Variants in CDC5L observed in about 807,000 individuals in gnomAD.
The protein encoded by CDC5L is cell division cycle 5 like, also known as cell division cycle 5-like protein.
A neutral mutation model predicts 104.1 loss-of-function variants in CDC5L; 18 were observed. The observed-to-expected ratio is 0.17, with a 90% CI of 0.12 to 0.26. CDC5L has a LOEUF of 0.26. Ranked by LOEUF, CDC5L falls within the 10% of genes least tolerant of loss-of-function variation. The pLI is 1.00. For missense variants in CDC5L, 673 were observed against 956.9 expected (o/e 0.70, Z 3.91); for synonymous variants, 331 against 322.7 (o/e 1.03, Z -0.28).
intron 1 of CDC5L, among the ~76,000 whole-genome samples, chr6:44,388,692 T>A (rs1196260402): frequency 1.3e-5 from 2 of 149,334 alleles, no homozygotes; most frequent in African/African-American, 2.5e-5. Context: ...TTTTTTTTTT[T>A]ACATCTTTTG....
intron 5 of CDC5L, among the ~76,000 whole-genome samples, chr6:44,396,848 C>T (rs1263891566): frequency 6.6e-6 from 1 of 152,102 alleles, no homozygotes. Context: ...AAATCAACGG[C>T]CCCATGAAGA....
intron 8 of CDC5L, among the ~76,000 whole-genome samples, chr6:44,414,425 TGTGTGTA>T (rs1402450502): frequency 1.5e-4 from 22 of 150,290 alleles, no homozygotes; most frequent in Admixed American, 8.6e-4. Context: ...TGTGTGTGTG[TGTGTGTA>T]TTTTTTTTTA....
At chr6:44,420,144 G>A (rs1792095752) in intron 9 of CDC5L, among the ~76,000 whole-genome samples, 1 of 152,080 alleles carries the variant, frequency 6.6e-6, no homozygotes, top group African/African-American at 2.4e-5. Flanking sequence ...AAGAATGTGT[G>A]GAAGTTATCA....
chr6:44,426,674 T>C lies in CDC5L; in HGVS notation c.1843T>C (p.Tyr615His). Residue 615 changes from tyrosine to histidine, a missense_variant, in exon 13 of 16, where the codon TAT becomes CAT. Physicochemically the swap from Tyr to His is moderately conservative, Grantham distance 83 (BLOSUM62 2). Transcript: ENST00000371477. ...FGTNNSEHIT[Y>H]LEHNPYEKFS... Reference sequence around the variant, plus strand: ...TACCAATAATTCAGAGCACATTACCTATCTGGAACATAATCCTTATGAAAA... The same window carrying C: ...TACCAATAATTCAGAGCACATTACCCATCTGGAACATAATCCTTATGAAAA... The C allele has an allele frequency of 6.2e-7, 1 of 1,612,688 alleles. No homozygotes were observed. Among genetic ancestry groups the C allele is most frequent in the South Asian group, 1.1e-5 (1 of 91,044 alleles).
chr6:44,433,181 A>G (rs1304273986), intron 14 of CDC5L, among the ~76,000 whole-genome samples: 4 of 152,194 alleles, frequency 2.6e-5, no homozygotes, highest in South Asian at 2.1e-4. Context: ...ATTACTGCCT[A>G]TCTACCACGT....
chr6:44,434,787 G>A (rs1301699677), intron 14 of CDC5L, among the ~76,000 whole-genome samples: 1 of 152,122 alleles, frequency 6.6e-6, no homozygotes, highest in Non-Finnish European at 1.5e-5. Flanking sequence ...TAGCTTGAAA[G>A]TAACAGTTAC....
In CDC5L at chr6:44,445,882, TG is replaced by T. The variant is rs1201000406; in HGVS notation, c.2304+16del. On this transcript the variant is annotated intron_variant, in intron 15 of 15. Transcript: ENST00000371477. ...GGAGGCTAGAGGTAACGTTATATAT[TG>T]AACTGTTGTTTAAAAAGAGTGCTGC... is the stretch of plus-strand genomic sequence containing the variant. 27 of 1,577,214 alleles carry T rather than the reference TG, an allele frequency of 1.7e-5. No homozygotes were observed. The highest frequency in any genetic ancestry group is 2.3e-5 in the Non-Finnish European group (26 of 1,147,514).
At chr6:44,411,160 T>C (rs1004230039) in intron 8 of CDC5L, among the ~76,000 whole-genome samples, 1 of 152,134 alleles carries the variant, frequency 6.6e-6, no homozygotes, top group African/African-American at 2.4e-5. Flanking sequence ...TTTCCTCAAA[T>C]GTCCGGTGCT....
chr6:44,408,892 G>T (rs1051229031), intron 8 of CDC5L, among the ~76,000 whole-genome samples: 6 of 152,070 alleles, frequency 3.9e-5, no homozygotes, highest in Non-Finnish European at 7.4e-5. Context: ...TTTTGTACCT[G>T]TCAGTAAAGC....
intron 5 of CDC5L, among the ~76,000 whole-genome samples, chr6:44,402,783 T>C (rs1409521705): frequency 2.0e-5 from 3 of 152,214 alleles, no homozygotes; most frequent in African/African-American, 7.2e-5. Flanking sequence ...ATGTAAACTT[T>C]CTAACATTTT....
chr6:44,439,129 G>T (rs1204766814), intron 14 of CDC5L, among the ~76,000 whole-genome samples: 1 of 152,058 alleles, frequency 6.6e-6, no homozygotes, highest in Non-Finnish European at 1.5e-5. Context: ...TTTGTGATGG[G>T]CTTCTTTTAC....
chr6:44,423,627 G>A (rs942095734), intron 10 of CDC5L, among the ~76,000 whole-genome samples: 2 of 152,166 alleles, frequency 1.3e-5, no homozygotes, highest in East Asian at 1.9e-4. Flanking sequence ...ATATGAGTAA[G>A]CATGGAGGAT....
At chr6:44,408,405 G>A (rs748772236) in intron 7 of CDC5L, 39 bp from the exon 8 acceptor site, 25 of 1,529,032 alleles carry the variant, frequency 1.6e-5, no homozygotes, top group Non-Finnish European at 2.2e-5. Flanking sequence ...CCCGGCCTCA[G>A]TTAAAATGTT....
rs548390250 is a variant in CDC5L at position 44,409,262 on chromosome 6, C to T, written c.1092+630C>T. Among the ~76,000 whole-genome samples the T allele has an allele frequency of 7.9e-5, 12 of 152,292 alleles. 1 individual carries two copies. In the South Asian group the frequency reaches 1.4e-3, roughly 18 times the overall value. On this transcript the variant is annotated intron_variant, in intron 8 of 15. Coordinates refer to ENST00000371477, the MANE Select transcript of CDC5L (RefSeq NM_001253.4). ...TGTTACAACTCTTTGTTTTACTTAC[C>T]GCTAAAAGATCTTTGTTACTCATTG...
intron 14 of CDC5L, among the ~76,000 whole-genome samples, chr6:44,440,742 G>A (rs966418909): frequency 7.7e-6 from 1 of 129,254 alleles, no homozygotes; most frequent in African/African-American, 3.0e-5. Context: ...GAGTCTTGCT[G>A]TGTTGTCCAG....
intron 14 of CDC5L, among the ~76,000 whole-genome samples, chr6:44,433,565 G>A (rs1004676807): frequency 2.0e-5 from 3 of 152,096 alleles, no homozygotes; most frequent in Non-Finnish European, 4.4e-5. Flanking sequence ...ATTTTGTCAC[G>A]TTAGCTGTAA....
At chr6:44,417,991 T>G (rs1561974202) in intron 8 of CDC5L, among the ~76,000 whole-genome samples, 1 of 152,184 alleles carries the variant, frequency 6.6e-6, no homozygotes, top group Non-Finnish European at 1.5e-5. Context: ...TAAAACTTCT[T>G]TTTAAATTTT....
intron 8 of CDC5L, among the ~76,000 whole-genome samples, chr6:44,411,140 C>T (rs1338558111): frequency 2.0e-5 from 3 of 151,496 alleles, no homozygotes; most frequent in African/African-American, 7.3e-5. Context: ...TCTGTCTTTC[C>T]TTATGGGTAT....
chr6:44,446,730 TC>T lies in CDC5L; in HGVS notation c.*20del, dbSNP rs1188209564. On this transcript the variant is annotated 3_prime_UTR_variant, in exon 16 of 16. Coordinates refer to ENST00000371477, the MANE Select transcript of CDC5L (RefSeq NM_001253.4). Reference sequence around the variant, plus strand: ...ATTCTGAAGTACAGTTTATATTCTGTCACAGGATTAATTAATTGCCGGTTTT... The same window carrying T: ...ATTCTGAAGTACAGTTTATATTCTGTACAGGATTAATTAATTGCCGGTTTT... 2 of 1,210,474 alleles carry T rather than the reference TC, an allele frequency of 1.7e-6. No individual in the cohort carries two copies. The highest frequency in any genetic ancestry group is 2.7e-5 in the South Asian group (2 of 75,444). The allele number at this position is 1,210,474 out of a possible 1,614,324, so 75.0% of individuals were successfully genotyped here. A position where few individuals can be genotyped will look rare whatever the true frequency, so the allele number is the denominator to read the frequency against.
Sources: allele counts gnomAD v4.1 joint callset (sites outside exome capture counted in the v4.1 genomes callset), GRCh38; gene constraint gnomAD v4.1.1; transcripts MANE v1.5; gene names NCBI Gene and HGNC (gene_info 2026-07-23, HGNC 2026-07-21).